The following BRAF variants were observed in gnomAD, a reference collection of about 807,000 sequenced individuals.
The protein encoded by BRAF is B-Raf proto-oncogene, serine/threonine kinase.
BRAF carries 16 observed loss-of-function variants against 104.6 expected under a neutral mutation model. That is an observed-to-expected ratio of 0.15 (90% CI 0.10 to 0.23). BRAF has a LOEUF of 0.23. BRAF is among the 10% of genes least tolerant of loss of function. The probability of loss-of-function intolerance (pLI) is 1.00; values close to 1 mark genes in which losing one functional copy is unlikely to be tolerated. For missense variants in BRAF, 541 were observed against 937.3 expected (o/e 0.58, Z 5.52); for synonymous variants, 310 against 341.6 (o/e 0.91, Z 1.02).
In BRAF at chr7:140,720,911, A is replaced by G; in HGVS notation, c.*5583T>C. On this transcript the variant is annotated 3_prime_UTR_variant, in exon 20 of 20. Transcript: ENST00000644969. ...GGCATCTCTTCACAAATTTTCTGCC[A>G]ACTCTCCCGCATATGTGCTGTACAT... The G allele has an allele frequency of 3.8e-6, 4 of 1,066,028 alleles. No individual in the cohort carries two copies. Among genetic ancestry groups the G allele is most frequent in the South Asian group, 9.1e-5 (2 of 21,990 alleles). The allele number at this position is 1,066,028 out of a possible 1,614,324, so 66.0% of individuals were successfully genotyped here.
At position 140,861,771 on chromosome 7, in the gene BRAF, A is replaced by G. The variant is rs140947321; in HGVS notation, c.139-11559T>C. On this transcript the variant is annotated intron_variant, in intron 1 of 19. Transcript: ENST00000644969. ...GTTTATAAAAATCTGAAGCATATATAAGACAATTCAACAAAACTGAGTAAT... is the reference window on the plus strand; with the variant it reads ...GTTTATAAAAATCTGAAGCATATATGAGACAATTCAACAAAACTGAGTAAT... Among the ~76,000 whole-genome samples, 20 of 152,308 alleles carry G rather than the reference A, an allele frequency of 1.3e-4. No individual in the cohort carries two copies. In the East Asian group the frequency reaches 3.9e-3, roughly 29 times the overall value.
At chr7:140,862,197 CA>C (rs1810493564) in intron 1 of BRAF, among the ~76,000 whole-genome samples, 1 of 151,922 alleles carries the variant, frequency 6.6e-6, no homozygotes, top group African/African-American at 2.4e-5. Flanking sequence ...AATAAATGGG[CA>C]AGGAGAAAAC....
rs1190098525 is a variant in BRAF at position 140,845,885 on chromosome 7, TAGTC to T, written c.240+4222_240+4225del. 5.3e-5 allele frequency among the ~76,000 whole-genome samples: 8 copies of T among 152,302 alleles called. No homozygotes were observed. In the East Asian group the frequency reaches 7.7e-4, roughly 15 times the overall value. On this transcript the variant is annotated intron_variant, in intron 2 of 19. Coordinates refer to ENST00000644969, the MANE Select transcript of BRAF (RefSeq NM_001374258.1). ...TAGTAGAGACAGGATTTCATCATGT[TAGTC>T]AGGCTGGTCTCAAACTCCTGACCTC...
At chr7:140,765,803 G>A (rs1337216340) in intron 14 of BRAF, among the ~76,000 whole-genome samples, 1 of 151,914 alleles carries the variant, frequency 6.6e-6, no homozygotes, top group African/African-American at 2.4e-5. Context: ...GGAAACAACA[G>A]GTGCTGGAGA....
chr7:140,788,679 C>A (rs567405017), intron 8 of BRAF, among the ~76,000 whole-genome samples: 1 of 151,988 alleles, frequency 6.6e-6, no homozygotes, highest in Non-Finnish European at 1.5e-5. Flanking sequence ...ACCTCTGCCT[C>A]TTGGGTTCAA....
intron 10 of BRAF, among the ~76,000 whole-genome samples, chr7:140,785,094 A>G (rs1233436775): frequency 6.6e-6 from 1 of 152,244 alleles, no homozygotes; most frequent in Admixed American, 6.5e-5. Context: ...TGAAATATCT[A>G]AAATATGTTA....
chr7:140,798,280 T>TTTTTTTTTTTTTTTTA (rs1586200322), intron 7 of BRAF, among the ~76,000 whole-genome samples: 1 of 146,178 alleles, frequency 6.8e-6, no homozygotes, highest in Non-Finnish European at 1.5e-5. Flanking sequence ...TTCTTTTTTT[T>TTTTTTTTTTTTTTTTA]GAGACGGAGT....
rs781402121 is a variant in BRAF at position 140,794,319 on chromosome 7, C to T, written c.1129G>A (p.Val377Ile). The T allele has an allele frequency of 1.4e-5, 23 of 1,613,852 alleles. No individual in the cohort carries two copies. The highest frequency in any genetic ancestry group is 1.9e-5 in the Non-Finnish European group (23 of 1,179,976). The change falls in exon 8 of 20, where the codon GTC (valine) becomes ATC (isoleucine). Residue 377 changes from valine to isoleucine, a missense_variant. Transcript: ENST00000644969. ...PNVHINTIEP[V>I]NIDDLIRDQG... ...TGCTGGATACTTACATCAATATTGACAGGTTCTATTGTGTTTATATGCACA... is the reference window on the plus strand; with the variant it reads ...TGCTGGATACTTACATCAATATTGATAGGTTCTATTGTGTTTATATGCACA...
intron 1 of BRAF, among the ~76,000 whole-genome samples, chr7:140,851,534 C>T (rs1453168408): frequency 6.6e-6 from 1 of 152,104 alleles, no homozygotes; most frequent in African/African-American, 2.4e-5. Context: ...AACAATACTC[C>T]AACAAATAGT....
intron 3 of BRAF, among the ~76,000 whole-genome samples, chr7:140,831,330 T>G (rs1408006844): frequency 1.3e-5 from 2 of 152,184 alleles, no homozygotes; most frequent in Admixed American, 6.5e-5. Flanking sequence ...GTCTGGTATA[T>G]TCCAGATGGA....
intron 13 of BRAF, 37 bp downstream of exon 12, chr7:140,777,954 T>C: frequency 1.3e-6 from 2 of 1,597,186 alleles, no homozygotes; most frequent in Non-Finnish European, 1.7e-6. Context: ...TAAAAATAAC[T>C]TCTTTCTCTG....
At chr7:140,802,241 C>T (rs1236585841) in intron 5 of BRAF, among the ~76,000 whole-genome samples, 1 of 151,206 alleles carries the variant, frequency 6.6e-6, no homozygotes, top group East Asian at 1.9e-4. Context: ...CCTAGTGATA[C>T]CTTGAAGATC....
intron 9 of BRAF, among the ~76,000 whole-genome samples, chr7:140,786,750 C>T (rs1344625778): frequency 1.3e-5 from 2 of 152,132 alleles, no homozygotes; most frequent in Non-Finnish European, 2.9e-5. Context: ...CTGACAAACC[C>T]CCTCTTCAGA....
In BRAF at chr7:140,781,530, A is replaced by G. The variant is rs754992333; in HGVS notation, c.1552+46T>C. On this transcript the variant is annotated intron_variant, in intron 12 of 19. Coordinates refer to ENST00000644969, the MANE Select transcript of BRAF (RefSeq NM_001374258.1). The stretch of plus-strand genomic sequence containing the variant: ...TTTTACAAAATAAAAGTTGTTAAAC[A>G]TATCCTATTATGACTTGTCACAATG... 1.1e-5 allele frequency: 17 copies of G among 1,497,624 alleles called. No individual in the cohort carries two copies. The East Asian group carries it at 3.8e-4, about 34-fold the overall frequency. 92.8% of individuals were successfully genotyped at this position (1,497,624 alleles called of 1,614,324 possible). A position where few individuals can be genotyped will look rare whatever the true frequency, so the allele number is the denominator to read the frequency against.
intron 10 of BRAF, among the ~76,000 whole-genome samples, chr7:140,783,666 T>C (rs1468463418): frequency 6.6e-6 from 1 of 152,238 alleles, no homozygotes; most frequent in African/African-American, 2.4e-5. Context: ...TTCATATTAA[T>C]CACTAAACTC....
intron 3 of BRAF, among the ~76,000 whole-genome samples, chr7:140,833,811 C>CTA (rs2129061606): frequency 6.6e-6 from 1 of 152,030 alleles, no homozygotes; most frequent in South Asian, 2.1e-4. Context: ...CATTAGTTTT[C>CTA]TAAACTCATA....
Position 140,726,136 on chromosome 7 carries a change from T to TTGAC in BRAF, c.*354_*357dup. The TTGAC allele has an allele frequency of 9.0e-7, 1 of 1,117,146 alleles. No homozygotes were observed. The highest frequency in any genetic ancestry group is 1.1e-6 in the Non-Finnish European group (1 of 913,522). The allele number at this position is 1,117,146 out of a possible 1,614,324, so 69.2% of individuals were successfully genotyped here. A position where few individuals can be genotyped will look rare whatever the true frequency, so the allele number is the denominator to read the frequency against. On this transcript the variant is annotated 3_prime_UTR_variant, in exon 20 of 20. Transcript: ENST00000644969. Reference sequence around the variant, plus strand: ...TGATCTGGTGGTTAGAAGGGCAAAGTTGACTGGCAGACTTTCCATAGCAAA... The same window carrying TTGAC: ...TGATCTGGTGGTTAGAAGGGCAAAGTTGACTGACTGGCAGACTTTCCATAGCAAA...
At chr7:140,874,602 T>C (rs999705834) in intron 1 of BRAF, among the ~76,000 whole-genome samples, 1 of 151,554 alleles carries the variant, frequency 6.6e-6, no homozygotes, top group Non-Finnish European at 1.5e-5. Flanking sequence ...CCCCTCACTT[T>C]TCTCACGTAA....
chr7:140,821,155 C>T (rs999351280), intron 3 of BRAF, among the ~76,000 whole-genome samples: 8 of 152,008 alleles, frequency 5.3e-5, no homozygotes, highest in African/African-American at 1.9e-4. Context: ...GCACACCTGG[C>T]TAATTTTTTG....
Sources: allele counts gnomAD v4.1 joint callset (sites outside exome capture counted in the v4.1 genomes callset), GRCh38; gene constraint gnomAD v4.1.1; transcripts MANE v1.5; gene names NCBI Gene and HGNC (gene_info 2026-07-23, HGNC 2026-07-21).